Variants in COX4I1 observed in about 807,000 individuals in gnomAD.
COX4I1 encodes cytochrome c oxidase subunit 4I1.
Under a neutral mutation model 21.7 loss-of-function variants are expected in COX4I1, and 18 were observed. The ratio of observed to expected loss-of-function variants is 0.83; its 90% CI spans 0.57 to 1.23. The LOEUF is 1.23. Among genes scored for constraint, COX4I1 ranks in the 50% most tolerant of loss-of-function variants. The pLI is 0.00. For missense variants in COX4I1, 238 were observed against 220.7 expected (o/e 1.08, Z -0.50); for synonymous variants, 100 against 81.5 (o/e 1.23, Z -1.23).
rs532985207 is a variant in COX4I1 at position 85,805,188 on chromosome 16, A to C, written c.241+84A>C. The C allele has an allele frequency of 3.0e-5, 38 of 1,282,230 alleles. No homozygotes were observed. The African/African-American group carries it at 1.0e-3, about 35-fold the overall frequency. 79.4% of individuals were successfully genotyped at this position (1,282,230 alleles called of 1,614,324 possible). A position where few individuals can be genotyped will look rare whatever the true frequency, so the allele number is the denominator to read the frequency against. On this transcript the variant is annotated intron_variant, in intron 3 of 4. Coordinates refer to ENST00000253452, the MANE Select transcript of COX4I1 (RefSeq NM_001861.6). ...AGAGCCTCTGCTCACTTCTGGGCCT[A>C]CTGTCTAGAGGCAGTCTTGCACAGG...
intron 3 of COX4I1, 164 bp from the exon 4 acceptor site, chr16:85,805,569 G>A: frequency 1.0e-6 from 1 of 959,602 alleles, no homozygotes. Flanking sequence ...GTGGGCACGT[G>A]TGTGCACGTA....
In COX4I1 at chr16:85,806,725, T is replaced by C; in HGVS notation, c.374-13T>C. On this transcript the variant is annotated splice_polypyrimidine_tract_variant and intron_variant, in intron 4 of 4. Coordinates refer to ENST00000253452, the MANE Select transcript of COX4I1 (RefSeq NM_001861.6). ...TGAGATAGTCTTGCCCCATAACCTG[T>C]CTCACACCGTAGTGTACGGCCCCCT... 2 of 1,613,988 alleles carry C rather than the reference T, an allele frequency of 1.2e-6. No homozygotes were observed. The highest frequency in any genetic ancestry group is 1.7e-6 in the Non-Finnish European group (2 of 1,179,926).
chr16:85,801,913 G>C (rs1905794889), intron 2 of COX4I1, among the ~76,000 whole-genome samples: 1 of 152,100 alleles, frequency 6.6e-6, no homozygotes, highest in African/African-American at 2.4e-5. Flanking sequence ...TTTGCAATCT[G>C]AAGAGGGACG....
At chr16:85,801,535 G>C (rs1434594723) in intron 2 of COX4I1, among the ~76,000 whole-genome samples, 1 of 151,750 alleles carries the variant, frequency 6.6e-6, no homozygotes, top group South Asian at 2.1e-4. Flanking sequence ...TTTAAGCTTC[G>C]AGATCTACCC....
At chr16:85,805,507 C>G (rs1304377838) in intron 3 of COX4I1, 1 of 604,202 alleles carries the variant, frequency 1.7e-6, no homozygotes, top group African/African-American at 1.8e-5. Context: ...TAATTTGCAC[C>G]TGAAGCGAAC....
At chr16:85,800,010 C>T (rs939754171) in intron 1 of COX4I1, 10 of 152,160 alleles carry the variant, frequency 6.6e-5, no homozygotes, top group African/African-American at 9.7e-5. Context: ...GGGCACTGAC[C>T]TTGGAGCGCC....
At position 85,804,952 on chromosome 16, in the gene COX4I1, G is replaced by A. The variant is rs1303659834; in HGVS notation, c.89G>A (p.Ser30Asn). ...TGTTTTTCAGAAAGTGTTGTGAAGA[G>A]CGAAGACTTTTCGCTCCCAGCTTAT... ...CVRAHESVVK[S>N]EDFSLPAYMD... is the part of the protein sequence containing the mutation. The change falls in exon 3 of 5, where the codon AGC becomes AAC. Residue 30 changes from serine (S) to asparagine (N), a missense_variant. Transcript: ENST00000253452. 6 of 1,609,988 alleles carry A rather than the reference G, an allele frequency of 3.7e-6. No individual in the cohort carries two copies. The highest frequency in any genetic ancestry group is 3.4e-5 in the Admixed American group (2 of 58,740).
chr16:85,805,150 G>A (rs1333758506), intron 3 of COX4I1, 46 bp downstream of exon 3: 2 of 1,569,792 alleles, frequency 1.3e-6, no homozygotes, highest in African/African-American at 2.7e-5. Flanking sequence ...GCTCTCGGAA[G>A]CGTGTGTGTG....
rs1415527720 is a variant in COX4I1, at chr16:85,800,137, G to C, written c.-2+385G>C. ...CCCTCCCGGGTTTTGCGGGGCTCCCGGGCGGCGCTCGGCTTTCCAGCCTGG... is the reference window on the plus strand; with the variant it reads ...CCCTCCCGGGTTTTGCGGGGCTCCCCGGCGGCGCTCGGCTTTCCAGCCTGG... On this transcript the variant is annotated intron_variant, in intron 1 of 4. Coordinates refer to ENST00000253452, the MANE Select transcript of COX4I1 (RefSeq NM_001861.6). 2.6e-5 allele frequency among the ~76,000 whole-genome samples: 4 copies of C among 152,196 alleles called. 1 individual carries two copies. Among genetic ancestry groups the C allele is most frequent in the East Asian group, 1.9e-4 (1 of 5,170 alleles).
At chr16:85,806,284 G>A in intron 4 of COX4I1, 1 of 604,470 alleles carries the variant, frequency 1.7e-6, no homozygotes, top group Non-Finnish European at 2.9e-6. Flanking sequence ...CGACCTGATA[G>A]TTTGTGTGTG....
At chr16:85,805,519 GTA>G (rs1333278880) in intron 3 of COX4I1, 1 of 633,304 alleles carries the variant, frequency 1.6e-6, no homozygotes, top group African/African-American at 1.8e-5. Context: ...GAAGCGAACT[GTA>G]TGCATTTTCT....
chr16:85,805,213 G>T (rs1906096438), intron 3 of COX4I1, 109 bp downstream of exon 3: 3 of 1,191,750 alleles, frequency 2.5e-6, no homozygotes, highest in Non-Finnish European at 3.4e-6. Flanking sequence ...TCTTGCACAG[G>T]AGGGTTGCTC....
At chr16:85,802,611 T>C (rs1014049188) in intron 2 of COX4I1, among the ~76,000 whole-genome samples, 1 of 152,226 alleles carries the variant, frequency 6.6e-6, no homozygotes, top group African/African-American at 2.4e-5. Context: ...AGTTGGGATA[T>C]TTGTGTGGTG....
At chr16:85,805,887 A>T in intron 4 of COX4I1, 23 bp downstream of exon 4, 1 of 1,613,742 alleles carries the variant, frequency 6.2e-7, no homozygotes, top group Non-Finnish European at 8.5e-7. Context: ...GGAGGAAGGC[A>T]TGGGCGCCTG....
At chr16:85,805,567 G>A (rs948935720) in intron 3 of COX4I1, 166 bp from the exon 4 acceptor site, 58 of 933,444 alleles carry the variant, frequency 6.2e-5, no homozygotes, top group African/African-American at 2.6e-4. Flanking sequence ...GCGTGGGCAC[G>A]TGTGTGCACG....
chr16:85,800,147 C>CG (rs1036809723), intron 1 of COX4I1, among the ~76,000 whole-genome samples: 2 of 152,220 alleles, frequency 1.3e-5, no homozygotes, highest in Admixed American at 6.5e-5. Context: ...GGGCGGCGCT[C>CG]GGCTTTCCAG....
rs189671285 is a variant in COX4I1 at position 85,806,918 on chromosome 16, G to T, written c.*44G>T. 1 of 1,582,776 alleles carries T rather than the reference G, an allele frequency of 6.3e-7. No homozygotes were observed. The highest frequency in any genetic ancestry group is 8.6e-7 in the Non-Finnish European group (1 of 1,162,018). On this transcript the variant is annotated 3_prime_UTR_variant, in exon 5 of 5. Coordinates refer to ENST00000253452, the MANE Select transcript of COX4I1 (RefSeq NM_001861.6). ...TGCACCTGCGCCTGGCTCTGTCACC[G>T]CCATGCAACTCCATGCCTATTTACT...
rs1350871107 is a variant in COX4I1, at chr16:85,806,848, T to C, written c.484T>C (p.Tyr162His). The C allele has an allele frequency of 6.2e-7, 1 of 1,613,970 alleles. No individual in the cohort carries two copies. Among genetic ancestry groups the C allele is most frequent in the African/African-American group, 1.3e-5 (1 of 75,048 alleles). ...CCAGGGCTTAGCCTCCAAGTGGGAC[T>C]ACGAAAAGAACGAGTGGAAGAAGTG... ...PIQGLASKWDYEKNEWKK is the reference protein window; with the variant it reads ...PIQGLASKWDHEKNEWKK Residue 162 changes from tyrosine (Y) to histidine (H), a missense_variant, in exon 5 of 5, where the codon TAC (tyrosine) becomes CAC (histidine). Transcript: ENST00000253452.
In COX4I1 at chr16:85,801,214, T is replaced by C. The variant is rs373552102; in HGVS notation, c.9T>C (p.Ala3=). 3 of 1,608,030 alleles carry C rather than the reference T, an allele frequency of 1.9e-6. No individual in the cohort carries two copies. The highest frequency in any genetic ancestry group is 1.7e-5 in the Admixed American group (1 of 59,966). Residue 3 remains alanine, a synonymous_variant, in exon 2 of 5, where the codon GCT becomes GCC. Coordinates refer to ENST00000253452, the MANE Select transcript of COX4I1 (RefSeq NM_001861.6). ...CATTTTTATCTTTCAGAATGTTGGCTACCAGGGTATTTAGCCTAGTTGGCA... is the reference window on the plus strand; with the variant it reads ...CATTTTTATCTTTCAGAATGTTGGCCACCAGGGTATTTAGCCTAGTTGGCA... ML[A]TRVFSLVGKR...
Sources: gnomAD v4.1 joint callset for allele counts (sites outside exome capture counted in the v4.1 genomes callset) on GRCh38, gnomAD v4.1.1 for gene constraint, MANE v1.5 for transcripts, NCBI Gene and HGNC (gene_info 2026-07-23, HGNC 2026-07-21) for gene names.